Variants in GPM6A observed in about 807,000 individuals in gnomAD.
GPM6A encodes neuronal membrane glycoprotein M6-a.
GPM6A carries 7 observed loss-of-function variants against 32.1 expected under a neutral mutation model. The observed-to-expected ratio is 0.22, with a 90% CI of 0.12 to 0.41. The LOEUF is 0.41. Ranked by LOEUF, GPM6A falls within the 10% of genes least tolerant of loss-of-function variation. The probability of loss-of-function intolerance (pLI) is 1.00; values close to 1 mark genes in which losing one functional copy is unlikely to be tolerated. For missense variants in GPM6A, 235 were observed against 347.2 expected (o/e 0.68, Z 2.57); for synonymous variants, 130 against 123.4 (o/e 1.05, Z -0.35).
intron 1 of GPM6A, chr4:175,970,962 G>A: frequency 2.2e-6 from 1 of 451,624 alleles, no homozygotes; most frequent in Non-Finnish European, 4.4e-6. Flanking sequence ...GCCAGAGCCT[G>A]TGCTTGAGCA....
intron 1 of GPM6A, among the ~76,000 whole-genome samples, chr4:175,946,943 C>T (rs970656462): frequency 6.6e-6 from 1 of 152,128 alleles, no homozygotes; most frequent in Admixed American, 6.5e-5. Flanking sequence ...GAGATTACTG[C>T]TGTACTGGAA....
chr4:175,644,656 A>C (rs1391443992), intron 4 of GPM6A, among the ~76,000 whole-genome samples: 1 of 152,106 alleles, frequency 6.6e-6, no homozygotes, highest in Non-Finnish European at 1.5e-5. Flanking sequence ...TGAATGGCCA[A>C]ATTGTTCTCA....
chr4:175,759,417 T>C (rs960966181), intron 1 of GPM6A, among the ~76,000 whole-genome samples: 3 of 152,192 alleles, frequency 2.0e-5, no homozygotes, highest in African/African-American at 7.2e-5. Context: ...CATAAAATTT[T>C]CTTTACCCTT....
At chr4:175,944,821 G>GC (rs1344671795) in intron 1 of GPM6A, among the ~76,000 whole-genome samples, 1 of 152,012 alleles carries the variant, frequency 6.6e-6, no homozygotes, top group African/African-American at 2.4e-5. Context: ...GGAAACCAGC[G>GC]CAACACTATT....
chr4:175,695,986 C>A (rs1396310699), intron 2 of GPM6A, among the ~76,000 whole-genome samples: 4 of 152,076 alleles, frequency 2.6e-5, no homozygotes, highest in African/African-American at 9.7e-5. Flanking sequence ...TGAGATAATT[C>A]ACAATAACTG....
At chr4:175,815,367 C>A (rs1735064803), upstream of GPM6A, among the ~76,000 whole-genome samples, 2 of 152,106 alleles carry the variant, frequency 1.3e-5, no homozygotes, top group African/African-American at 4.8e-5. Context: ...ATTTGGATCT[C>A]ATTGGAAGTA....
intron 1 of GPM6A, among the ~76,000 whole-genome samples, chr4:175,758,383 G>A (rs557595906): frequency 1.1e-3 from 167 of 152,190 alleles, no homozygotes; most frequent in African/African-American, 3.8e-3. Context: ...CAACTTTTAA[G>A]ACATCAATAA....
chr4:175,822,416 T>C (rs890109326), intron 1 of GPM6A, among the ~76,000 whole-genome samples: 1 of 152,166 alleles, frequency 6.6e-6, no homozygotes, highest in Admixed American at 6.5e-5. Flanking sequence ...TATCCAAAAA[T>C]GGGAATACTG....
intron 2 of GPM6A, among the ~76,000 whole-genome samples, chr4:175,685,049 G>A (rs1018759805): frequency 5.3e-5 from 8 of 152,022 alleles, no homozygotes; most frequent in East Asian, 3.9e-4. Flanking sequence ...CACCACGCCC[G>A]GCTAATTTTT....
rs528632610 is a variant in GPM6A at position 175,687,189 on chromosome 4, A to G, written c.231-13353T>C. 3.6e-4 allele frequency among the ~76,000 whole-genome samples: 55 copies of G among 152,284 alleles called. 1 individual carries two copies. In the South Asian group the frequency reaches 0.011, roughly 31 times the overall value. ...TTTATTGCAGTAAATAACACAGAAT[A>G]TGGGATTTACTCTCTTAACATATTT... On this transcript the variant is annotated intron_variant, in intron 2 of 6. Coordinates refer to ENST00000393658, the MANE Select transcript of GPM6A (RefSeq NM_201591.3).
intron 1 of GPM6A, among the ~76,000 whole-genome samples, chr4:175,911,727 C>A (rs1738325036): frequency 6.6e-6 from 1 of 152,040 alleles, no homozygotes; most frequent in Non-Finnish European, 1.5e-5. Context: ...AATGTAATAA[C>A]CCAAACTAGG....
intron 1 of GPM6A, chr4:175,907,435 G>C (rs1418884750): frequency 6.6e-6 from 1 of 152,114 alleles, no homozygotes; most frequent in Non-Finnish European, 1.5e-5. Context: ...ATCTACATCT[G>C]TGTCCTCTGA....
intron 1 of GPM6A, among the ~76,000 whole-genome samples, chr4:175,951,653 A>C (rs546899031): frequency 6.6e-6 from 1 of 152,354 alleles, no homozygotes; most frequent in South Asian, 2.1e-4. Context: ...ATATGAATGA[A>C]TTGCAACAAT....
intron 1 of GPM6A, among the ~76,000 whole-genome samples, chr4:175,860,693 C>T (rs1736548495): frequency 6.6e-6 from 1 of 152,260 alleles, no homozygotes; most frequent in Middle Eastern, 3.4e-3. Flanking sequence ...GCAAGCAGAA[C>T]CCCCAGCTTA....
chr4:175,894,094 G>A (rs1297799886), intron 1 of GPM6A, among the ~76,000 whole-genome samples: 2 of 152,090 alleles, frequency 1.3e-5, no homozygotes, highest in Admixed American at 6.6e-5. Flanking sequence ...TGTTGTCTCA[G>A]TGTGGCTGAT....
At chr4:175,661,364 G>A (rs1357572280) in intron 3 of GPM6A, among the ~76,000 whole-genome samples, 1 of 151,438 alleles carries the variant, frequency 6.6e-6, no homozygotes, top group Non-Finnish European at 1.5e-5. Flanking sequence ...GAACCCAGGA[G>A]GTGGAGGTTT....
chr4:175,712,614 C>T (rs774740762), intron 1 of GPM6A, among the ~76,000 whole-genome samples: 3 of 152,248 alleles, frequency 2.0e-5, no homozygotes, highest in East Asian at 1.9e-4. Flanking sequence ...TTTCTCTTAT[C>T]CTAACACTGA....
intron 1 of GPM6A, among the ~76,000 whole-genome samples, chr4:175,772,742 C>T (rs1275363315): frequency 7.2e-5 from 11 of 152,152 alleles, no homozygotes; most frequent in Admixed American, 5.2e-4. Context: ...TACAATCATC[C>T]ATGGGCTTCC....
intron 1 of GPM6A, among the ~76,000 whole-genome samples, chr4:175,725,994 T>TTC (rs1488752407): frequency 8.0e-4 from 3 of 3,768 alleles, no homozygotes; most frequent in Non-Finnish European, 3.8e-3. Flanking sequence ...CTGTTTCTTC[T>TTC]TTTTTTTTTT....
Sources: allele counts gnomAD v4.1 joint callset (sites outside exome capture counted in the v4.1 genomes callset), GRCh38; gene constraint gnomAD v4.1.1; transcripts MANE v1.5; gene names NCBI Gene and HGNC (gene_info 2026-07-23, HGNC 2026-07-21).